ERI3: variants seen among roughly 807,000 people sequenced by gnomAD.
The protein encoded by ERI3 is ERI1 exoribonuclease 3.
ERI3 carries 18 observed loss-of-function variants against 44.4 expected under a neutral mutation model. The ratio of observed to expected loss-of-function variants is 0.41; its 90% CI spans 0.28 to 0.60. ERI3 has a LOEUF of 0.60. Among genes scored for constraint, ERI3 ranks in the 20% least tolerant of loss-of-function variants. The pLI is 0.36. For synonymous variants in ERI3, 183 were observed against 164.8 expected (o/e 1.11, Z -0.84); for missense variants, 294 against 435.5 (o/e 0.68, Z 2.89).
chr1:44,353,186 T>C (rs900159966), intron 1 of ERI3: 6 of 984,744 alleles, frequency 6.1e-6, no homozygotes, highest in South Asian at 9.4e-5. Context: ...AAGATAGCTA[T>C]GAAGTGGTGC....
At chr1:44,333,807 C>A (rs1646478195) in intron 3 of ERI3, among the ~76,000 whole-genome samples, 1 of 152,172 alleles carries the variant, frequency 6.6e-6, no homozygotes, top group Non-Finnish European at 1.5e-5. Context: ...TCTCTGTTAC[C>A]ACCAACCCTC....
chr1:44,342,334 C>T (rs542907712), intron 2 of ERI3, among the ~76,000 whole-genome samples: 2 of 152,066 alleles, frequency 1.3e-5, no homozygotes, highest in South Asian at 2.1e-4. Context: ...AGGGCAGTGG[C>T]AGTAATGAGG....
At chr1:44,343,468 C>T (rs1378400216) in intron 2 of ERI3, among the ~76,000 whole-genome samples, 4 of 152,134 alleles carry the variant, frequency 2.6e-5, no homozygotes, top group African/African-American at 9.7e-5. Context: ...TGTTATATTC[C>T]TGAAGCTACA....
At chr1:44,281,191 C>A (rs1572178661) in intron 7 of ERI3, among the ~76,000 whole-genome samples, 1 of 152,206 alleles carries the variant, frequency 6.6e-6, no homozygotes, top group Non-Finnish European at 1.5e-5. Context: ...TGACTCTGAA[C>A]TGTTTAGTGT....
In ERI3 at chr1:44,221,692, C is replaced by T. The variant is rs1483440216; in HGVS notation, c.932-52G>A. On this transcript the variant is annotated intron_variant, in intron 8 of 8. Transcript: ENST00000372257. The surrounding 1 kb of genome is among the most constrained non-coding windows in gnomAD (Gnocchi z 5.9). ...CAGCCCCAGATCCTTCCCCTCCATGCCCACAGGTGCTCTTACAAGGGTGGG... is the reference window on the plus strand; with the variant it reads ...CAGCCCCAGATCCTTCCCCTCCATGTCCACAGGTGCTCTTACAAGGGTGGG... 2.1e-6 allele frequency: 3 copies of T among 1,458,738 alleles called. No homozygotes were observed. Among genetic ancestry groups the T allele is most frequent in the African/African-American group, 1.4e-5 (1 of 71,732 alleles). The allele number at this position is 1,458,738 out of a possible 1,614,324, so 90.4% of individuals were successfully genotyped here. A position where few individuals can be genotyped will look rare whatever the true frequency, so the allele number is the denominator to read the frequency against.
At chr1:44,263,919 G>A (rs564759966) in intron 7 of ERI3, among the ~76,000 whole-genome samples, 69 of 152,252 alleles carry the variant, frequency 4.5e-4, no homozygotes, top group African/African-American at 1.6e-3. Flanking sequence ...CCCCAGTAGG[G>A]GACATGTCTG....
At chr1:44,324,694 G>A (rs1646272591) in intron 3 of ERI3, among the ~76,000 whole-genome samples, 1 of 152,056 alleles carries the variant, frequency 6.6e-6, no homozygotes, top group African/African-American at 2.4e-5. Context: ...GTGTTAGCCA[G>A]GATGGTCTCA....
chr1:44,299,005 C>T (rs325154), intron 6 of ERI3, among the ~76,000 whole-genome samples: 109,441 of 152,034 alleles, frequency 0.72, 39,471 homozygotes, highest in East Asian at 0.81. Flanking sequence ...CGGTGGTTAG[C>T]TGGCAAGGGG....
In ERI3 at chr1:44,286,542, C is replaced by A. The variant is rs149248634; in HGVS notation, c.759-1635G>T. Among the ~76,000 whole-genome samples the A allele has an allele frequency of 4.6e-5, 7 of 152,150 alleles. No homozygotes were observed. In the East Asian group the frequency reaches 1.4e-3, roughly 29 times the overall value. ...AGCCAGGAGAGTAAATAAGATCACCCGGGGAACAGAATAGAGCGAGGTGAG... is the reference window on the plus strand; with the variant it reads ...AGCCAGGAGAGTAAATAAGATCACCAGGGGAACAGAATAGAGCGAGGTGAG... On this transcript the variant is annotated intron_variant, in intron 6 of 8. Transcript: ENST00000372257.
At chr1:44,304,089 A>T (rs1645782452) in intron 6 of ERI3, among the ~76,000 whole-genome samples, 1 of 152,076 alleles carries the variant, frequency 6.6e-6, no homozygotes, top group Non-Finnish European at 1.5e-5. Flanking sequence ...ATGATGGAGG[A>T]CAGGGTGTGA....
chr1:44,281,844 A>C (rs1645293956), intron 7 of ERI3, among the ~76,000 whole-genome samples: 1 of 151,018 alleles, frequency 6.6e-6, no homozygotes, highest in Non-Finnish European at 1.5e-5. Flanking sequence ...ATGCATTCAC[A>C]TGCATATACA....
At chr1:44,313,094 C>A in intron 5 of ERI3, 75 bp downstream of exon 5, 1 of 1,276,826 alleles carries the variant, frequency 7.8e-7, no homozygotes, top group Non-Finnish European at 1.1e-6. Flanking sequence ...TACACGGCTA[C>A]ATTCTCAGGA....
chr1:44,273,923 G>T (rs1240336630), intron 7 of ERI3, among the ~76,000 whole-genome samples: 1 of 152,212 alleles, frequency 6.6e-6, no homozygotes, highest in Non-Finnish European at 1.5e-5. Flanking sequence ...AGAGACAGGA[G>T]ATGTGGAGAT....
intron 8 of ERI3, chr1:44,230,493 G>A (rs780297767): frequency 2.0e-5 from 3 of 152,238 alleles, no homozygotes; most frequent in Non-Finnish European, 4.4e-5. Context: ...CAATAGGAAG[G>A]TGTCAGGGCC....
At chr1:44,260,418 T>TTTA (rs1248754656) in intron 7 of ERI3, among the ~76,000 whole-genome samples, 2 of 152,150 alleles carry the variant, frequency 1.3e-5, no homozygotes, top group African/African-American at 4.8e-5. Flanking sequence ...AGGAGGACCC[T>TTTA]AAAGCCAAGC....
chr1:44,249,139 T>C (rs1281963028), intron 7 of ERI3, among the ~76,000 whole-genome samples: 1 of 152,202 alleles, frequency 6.6e-6, no homozygotes, highest in African/African-American at 2.4e-5. Context: ...TGGTAGCTAG[T>C]CGGGCCTTCA....
intron 2 of ERI3, among the ~76,000 whole-genome samples, chr1:44,340,784 C>T (rs1015302582): frequency 2.0e-5 from 3 of 152,144 alleles, no homozygotes; most frequent in Non-Finnish European, 2.9e-5. Flanking sequence ...TTGTTTTCAC[C>T]ACTGCTTTAT....
rs1645362785 is a variant in ERI3 at position 44,284,985 on chromosome 1, C to A, written c.759-78G>T. Reference sequence around the variant, plus strand: ...TGAAGTCTTAAGATGGGAAGTCCAACAGAGCATACAAGACAAACAGACCTC... The same window carrying A: ...TGAAGTCTTAAGATGGGAAGTCCAAAAGAGCATACAAGACAAACAGACCTC... On this transcript the variant is annotated intron_variant, in intron 6 of 8. Coordinates refer to ENST00000372257, the MANE Select transcript of ERI3 (RefSeq NM_024066.3). 1.7e-5 allele frequency: 21 copies of A among 1,232,722 alleles called. 1 individual carries two copies. In the South Asian group the frequency reaches 2.6e-4, roughly 15 times the overall value. 76.4% of individuals were successfully genotyped at this position (1,232,722 alleles called of 1,614,324 possible).
chr1:44,329,760 G>C (rs1646391334), intron 3 of ERI3, among the ~76,000 whole-genome samples: 1 of 152,176 alleles, frequency 6.6e-6, no homozygotes, highest in Non-Finnish European at 1.5e-5. Flanking sequence ...AACTATAACA[G>C]CTCTGCCTGT....
Sources: gnomAD v4.1 joint callset for allele counts (sites outside exome capture counted in the v4.1 genomes callset) on GRCh38, gnomAD v4.1.1 for gene constraint, Gnocchi (gnomAD v3.1) non-coding constraint, MANE v1.5 for transcripts, NCBI Gene and HGNC (gene_info 2026-07-23, HGNC 2026-07-21) for gene names.